Variants in HERC1 observed in about 807,000 individuals in gnomAD.
HERC1 encodes probable E3 ubiquitin-protein ligase HERC1.
Under a neutral mutation model 554.3 loss-of-function variants are expected in HERC1, and 160 were observed. The ratio of observed to expected loss-of-function variants is 0.29; its 90% CI spans 0.25 to 0.33. The LOEUF (loss-of-function observed/expected upper bound fraction) is 0.33. HERC1 is among the 10% of genes least tolerant of loss of function. HERC1 has a pLI of 1.00. For synonymous variants in HERC1, 2,175 were observed against 2,131.7 expected, an observed-to-expected ratio of 1.02 and a Z score of -0.56; for missense variants, 4,919 against 5,918.5, an observed-to-expected ratio of 0.83 and a Z score of 5.54.
At chr15:63,667,920 A>C (rs1190731379) in intron 40 of HERC1, among the ~76,000 whole-genome samples, 2 of 152,196 alleles carry the variant, frequency 1.3e-5, no homozygotes, top group Non-Finnish European at 2.9e-5. Flanking sequence ...GAAGACTTTT[A>C]TGATGATCCA....
At chr15:63,716,676 G>A (rs1035932404) in intron 21 of HERC1, among the ~76,000 whole-genome samples, 18 of 151,908 alleles carry the variant, frequency 1.2e-4, no homozygotes, top group Non-Finnish European at 2.5e-4. Flanking sequence ...ACACATATAT[G>A]CTCTTCCTTC....
Position 63,674,867 on chromosome 15 carries a change from G to A in HERC1, c.7321C>T (p.Arg2441Ter). The A allele has an allele frequency of 1.2e-6, 2 of 1,613,672 alleles. No homozygotes were observed. Among genetic ancestry groups the A allele is most frequent in the Non-Finnish European group, 1.7e-6 (2 of 1,179,632 alleles). ...KPESESALDMRTGLTSDDVKS... is the reference protein window; with the variant it reads ...KPESESALDM The stretch of plus-strand genomic sequence containing the variant: ...ACGTCATCAGATGTTAGGCCTGTTC[G>A]CATATCTAAAGCGGATTCACTCTCA... The change falls in exon 38 of 78, where the codon CGA becomes TGA. Residue 2441 changes from arginine (R) to a stop codon, truncating the protein, a stop_gained. Transcript: ENST00000443617. LOFTEE classifies it high-confidence loss of function.
At position 63,656,271 on chromosome 15, in the gene HERC1, T is replaced by A; in HGVS notation, c.9687A>T (p.Ala3229=). The part of the protein sequence containing the change: ...RTLVRLMCLA[A]AGRAGLSTSP... Reference sequence around the variant, plus strand: ...TGGTGGAGAGGCCAGCTCTCCCTGCTGCTGCCAAGCACATTAATCGAACTA... The same window carrying A: ...TGGTGGAGAGGCCAGCTCTCCCTGCAGCTGCCAAGCACATTAATCGAACTA... Residue 3229 remains alanine (A), a synonymous_variant, in exon 49 of 78, where the codon GCA becomes GCT. Coordinates refer to ENST00000443617, the MANE Select transcript of HERC1 (RefSeq NM_003922.4). The A allele has an allele frequency of 6.2e-7, 1 of 1,614,002 alleles. No individual in the cohort carries two copies. Among genetic ancestry groups the A allele is most frequent in the Non-Finnish European group, 8.5e-7 (1 of 1,179,882 alleles).
In HERC1 at chr15:63,734,854, T is replaced by C. The variant is rs1297482987; in HGVS notation, c.2521-5A>G. The C allele has an allele frequency of 1.2e-6, 2 of 1,608,374 alleles. No individual in the cohort carries two copies. Among genetic ancestry groups the C allele is most frequent in the East Asian group, 2.2e-5 (1 of 44,552 alleles). ...TGATAAAGTTTCAATTACCACCTAA[T>C]ATCAAAAGAGAAAAGTATACTGATT... is the stretch of plus-strand genomic sequence containing the variant. On this transcript the variant is annotated splice_region_variant and splice_polypyrimidine_tract_variant and intron_variant, in intron 12 of 77. Coordinates refer to ENST00000443617, the MANE Select transcript of HERC1 (RefSeq NM_003922.4). This position sits in a 1 kb window ranked among gnomAD's most constrained non-coding sequence, Gnocchi z 4.6.
In HERC1 at chr15:63,754,656, A is replaced by G; in HGVS notation, c.1631-8T>C. ...TATTGCTGTCACCATGACCTTGGAT[A>G]AAACACACACAACAACAAAGAAACA... On this transcript the variant is annotated splice_region_variant and splice_polypyrimidine_tract_variant and intron_variant, in intron 6 of 77. Transcript: ENST00000443617. 4 of 1,609,812 alleles carry G rather than the reference A, an allele frequency of 2.5e-6. No individual in the cohort carries two copies. Among genetic ancestry groups the G allele is most frequent in the Non-Finnish European group, 3.4e-6 (4 of 1,177,772 alleles).
chr15:63,652,810 C>T (rs2069769127), intron 51 of HERC1, among the ~76,000 whole-genome samples: 1 of 152,082 alleles, frequency 6.6e-6, no homozygotes, highest in South Asian at 2.1e-4. Flanking sequence ...GCCACCACAA[C>T]TGGATAATTT....
chr15:63,650,830 C>T (rs1266705268), intron 53 of HERC1, among the ~76,000 whole-genome samples: 1 of 152,046 alleles, frequency 6.6e-6, no homozygotes, highest in African/African-American at 2.4e-5. Flanking sequence ...AATGAAAATA[C>T]TAATAAGCTC....
At chr15:63,768,822 G>C (rs1463707546) in intron 2 of HERC1, among the ~76,000 whole-genome samples, 2 of 152,178 alleles carry the variant, frequency 1.3e-5, no homozygotes, top group Non-Finnish European at 2.9e-5. Flanking sequence ...ACAACATTTA[G>C]AGCTGTTACA....
At chr15:63,622,951 A>G in intron 73 of HERC1, 60 bp from the exon 74 acceptor site, 2 of 993,774 alleles carry the variant, frequency 2.0e-6, no homozygotes, top group South Asian at 1.5e-5. Flanking sequence ...AAGAGAACAA[A>G]CCAATTACAA....
chr15:63,774,257 G>T (rs181565103), intron 2 of HERC1, among the ~76,000 whole-genome samples: 67 of 152,226 alleles, frequency 4.4e-4, no homozygotes, highest in Non-Finnish European at 7.8e-4. Flanking sequence ...GCTCCATGGG[G>T]GTGGAAACTG....
rs775031356 is a variant in HERC1 at position 63,764,089 on chromosome 15, T to C, written c.1026+7A>G. 18 of 1,587,368 alleles carry C rather than the reference T, an allele frequency of 1.1e-5. No homozygotes were observed. The highest frequency in any genetic ancestry group is 8.6e-5 in the Admixed American group (5 of 58,160). On this transcript the variant is annotated splice_region_variant and intron_variant, in intron 3 of 77. Coordinates refer to ENST00000443617, the MANE Select transcript of HERC1 (RefSeq NM_003922.4). The stretch of plus-strand genomic sequence containing the variant: ...TTGTTAATACAAAAGCCACGATTAT[T>C]ACGTACCTCTTCAAAGAGACATAAT...
intron 24 of HERC1, among the ~76,000 whole-genome samples, chr15:63,709,986 A>G (rs890722614): frequency 5.3e-5 from 8 of 152,352 alleles, no homozygotes; most frequent in Middle Eastern, 3.4e-3. Flanking sequence ...GAAGCCTAGG[A>G]GAACTTTTAA....
At chr15:63,714,464 T>G (rs2073445652) in intron 22 of HERC1, among the ~76,000 whole-genome samples, 1 of 151,868 alleles carries the variant, frequency 6.6e-6, no homozygotes, top group South Asian at 2.1e-4. Flanking sequence ...TCTGATGCAG[T>G]GGTAGATATT....
chr15:63,783,170 T>C (rs1323929727), intron 1 of HERC1, among the ~76,000 whole-genome samples: 1 of 152,228 alleles, frequency 6.6e-6, no homozygotes, highest in African/African-American at 2.4e-5. Flanking sequence ...AGTTCTACTG[T>C]GGGTAAAATG....
intron 11 of HERC1, among the ~76,000 whole-genome samples, 186 bp from the exon 12 acceptor site, chr15:63,747,269 G>A (rs1242048484): frequency 6.6e-6 from 1 of 152,114 alleles, no homozygotes; most frequent in Admixed American, 6.6e-5. Context: ...AGACTAGCCT[G>A]GCCAACATGG....
chr15:63,710,342 G>T (rs923701782), intron 24 of HERC1, among the ~76,000 whole-genome samples: 11 of 152,056 alleles, frequency 7.2e-5, no homozygotes, highest in Non-Finnish European at 1.6e-4. Context: ...AAAGTAGGGG[G>T]ACCAGTTTGA....
chr15:63,739,650 C>A (rs1174667119), intron 12 of HERC1, among the ~76,000 whole-genome samples: 1 of 151,920 alleles, frequency 6.6e-6, no homozygotes, highest in African/African-American at 2.4e-5. Context: ...ACCAGCCTGG[C>A]CAACATGGTG....
intron 1 of HERC1, among the ~76,000 whole-genome samples, chr15:63,798,925 T>C (rs1302525713): frequency 1.3e-5 from 2 of 152,224 alleles, no homozygotes; most frequent in Non-Finnish European, 2.9e-5. Context: ...ACCATCAGGT[T>C]TGGGGGTGTC....
At chr15:63,742,657 G>A (rs1228610974) in intron 12 of HERC1, among the ~76,000 whole-genome samples, 4 of 152,070 alleles carry the variant, frequency 2.6e-5, no homozygotes, top group African/African-American at 9.7e-5. Flanking sequence ...TTCCTAGTTT[G>A]TTGAATATTT....
Sources: gnomAD v4.1 joint callset for allele counts (sites outside exome capture counted in the v4.1 genomes callset) on GRCh38, gnomAD v4.1.1 for gene constraint, Gnocchi (gnomAD v3.1) non-coding constraint, MANE v1.5 for transcripts, NCBI Gene and HGNC (gene_info 2026-07-23, HGNC 2026-07-21) for gene names.